DYNC2H1: variants seen among roughly 807,000 people sequenced by gnomAD.
The protein encoded by DYNC2H1 is cytoplasmic dynein 2 heavy chain 1.
Under a neutral mutation model 570.0 loss-of-function variants are expected in DYNC2H1, and 410 were observed. The ratio of observed to expected loss-of-function variants is 0.72; its 90% confidence interval spans 0.66 to 0.78. The LOEUF (loss-of-function observed/expected upper bound fraction) is 0.78, where lower values mean the gene tolerates loss of function less well. Among genes scored for constraint, DYNC2H1 ranks in the 30% least tolerant of loss-of-function variants. The pLI is 0.00. For synonymous variants in DYNC2H1, 1,688 were observed against 1,677.6 expected, an observed-to-expected ratio of 1.01 and a Z score of -0.15; for missense variants, 4,865 against 5,046.4, an observed-to-expected ratio of 0.96 and a Z score of 1.09.
chr11:103,450,497 C>T (rs1244487407), intron 85 of DYNC2H1, among the ~76,000 whole-genome samples: 1 of 152,040 alleles, frequency 6.6e-6, no homozygotes, highest in Non-Finnish European at 1.5e-5. Context: ...TGCTTTCTCA[C>T]CACAATGGAA....
rs898735894 is a variant in DYNC2H1, at chr11:103,256,823, C to T, written c.10461+583C>T. Among the ~76,000 whole-genome samples, 3 of 152,082 alleles carry T rather than the reference C, an allele frequency of 2.0e-5. No individual in the cohort carries two copies. Among genetic ancestry groups the T allele is most frequent in the Non-Finnish European group, 2.9e-5 (2 of 68,020 alleles). ...AGCCTGATAGCGCTGTGCTGTCTTG[C>T]GTTACCTTAACTGATTCTCTTTTGA... On this transcript the variant is annotated intron_variant, in intron 68 of 88. Transcript: ENST00000375735. This position sits in a 1 kb window ranked among gnomAD's most constrained non-coding sequence, Gnocchi z 4.0.
At chr11:103,121,127 A>G (rs1858683195) in intron 9 of DYNC2H1, 91 bp downstream of exon 9, 1 of 938,794 alleles carries the variant, frequency 1.1e-6, no homozygotes, top group East Asian at 2.9e-5. Context: ...GATTAAAGAT[A>G]CATTTTTCTG....
rs555590466 is a variant in DYNC2H1 at position 103,238,665 on chromosome 11, G to A, written c.9819+2126G>A. On this transcript the variant is annotated intron_variant, in intron 63 of 88. Transcript: ENST00000375735. Reference sequence around the variant, plus strand: ...AGCGGAGGAGGCTTTGCTAAGAAAGGCTTTTGTGTCTAAAACTATTCTTTT... The same window carrying A: ...AGCGGAGGAGGCTTTGCTAAGAAAGACTTTTGTGTCTAAAACTATTCTTTT... Among the ~76,000 whole-genome samples the A allele has an allele frequency of 5.9e-5, 9 of 152,176 alleles. No homozygotes were observed. The East Asian group carries it at 1.7e-3, about 29-fold the overall frequency.
chr11:103,375,040 G>T (rs1941336176), intron 83 of DYNC2H1, among the ~76,000 whole-genome samples: 1 of 152,166 alleles, frequency 6.6e-6, no homozygotes, highest in South Asian at 2.1e-4. Context: ...CAGGTCTAAG[G>T]CCCCCTTGCT....
rs115572501 is a variant in DYNC2H1 at position 103,161,759 on chromosome 11, G to A, written c.4491+715G>A. On this transcript the variant is annotated intron_variant, in intron 29 of 88. Transcript: ENST00000375735. ...AGATGATTTGGGTGAACAAGTAAGCGAACAACTATTGATTAACTGGTTCTG... is the reference window on the plus strand; with the variant it reads ...AGATGATTTGGGTGAACAAGTAAGCAAACAACTATTGATTAACTGGTTCTG... Among the ~76,000 whole-genome samples, 227 of 152,204 alleles carry A rather than the reference G, an allele frequency of 1.5e-3. 1 individual carries two copies. Among genetic ancestry groups the A allele is most frequent in the African/African-American group, 5.4e-3 (223 of 41,554 alleles).
chr11:103,412,311 T>C (rs1943120083), intron 84 of DYNC2H1, among the ~76,000 whole-genome samples: 1 of 152,126 alleles, frequency 6.6e-6, no homozygotes, highest in Non-Finnish European at 1.5e-5. Context: ...TTTATTTCTT[T>C]GATAACTTAT....
At position 103,395,317 on chromosome 11, in the gene DYNC2H1, G is replaced by A. The variant is rs1942353128; in HGVS notation, c.12157-4346G>A. Among the ~76,000 whole-genome samples the A allele has an allele frequency of 6.6e-6, 1 of 151,814 alleles. No individual in the cohort carries two copies. The highest frequency in any genetic ancestry group is 1.5e-5 in the Non-Finnish European group (1 of 67,974). On this transcript the variant is annotated intron_variant, in intron 83 of 88. Transcript: ENST00000375735. The surrounding 1 kb of genome is among the most constrained non-coding windows in gnomAD (Gnocchi z 4.3). ...CTTGCAAGAATGTCATGAGGACCCA[G>A]TGATTTCTATATACATATATATTTC...
intron 1 of DYNC2H1, among the ~76,000 whole-genome samples, chr11:103,111,102 AG>A (rs1390041173): frequency 6.6e-6 from 1 of 152,246 alleles, no homozygotes; most frequent in African/African-American, 2.4e-5. Flanking sequence ...CTGGGATTAC[AG>A]GTGTGTGCCA....
chr11:103,354,146 C>CAGCCTGGG (rs1024953191), intron 82 of DYNC2H1, among the ~76,000 whole-genome samples: 8 of 141,652 alleles, frequency 5.6e-5, no homozygotes, highest in African/African-American at 2.2e-4. Context: ...CACCGTACTC[C>CAGCCTGGG]AGCCTGGGTG....
intron 61 of DYNC2H1, 29 bp downstream of exon 61, chr11:103,234,189 T>C: frequency 3.2e-6 from 5 of 1,559,944 alleles, no homozygotes; most frequent in African/African-American, 1.4e-5. Flanking sequence ...CCATGAGGAG[T>C]CTACCTTTAA....
At chr11:103,284,306 C>G (rs662342) in intron 73 of DYNC2H1, among the ~76,000 whole-genome samples, 19,231 of 152,170 alleles carry the variant, frequency 0.13, 1,508 homozygotes, top group Admixed American at 0.24. Context: ...GTACTGAAGT[C>G]TCTTTTCGCC....
chr11:103,464,300 TAGAC>T (rs766723068), intron 87 of DYNC2H1, among the ~76,000 whole-genome samples: 10 of 152,184 alleles, frequency 6.6e-5, no homozygotes, highest in Admixed American at 3.3e-4. Context: ...AAAAAATTGA[TAGAC>T]AAACTATACA....
At position 103,118,357 on chromosome 11, in the gene DYNC2H1, T is replaced by TA. The variant is rs1191370778; in HGVS notation, c.999+505dup. ...TATAGTTCTTTATTAGAGACTTTTT[T>TA]AAAAAAAAAAACAAAACTTTTTTAA... On this transcript the variant is annotated intron_variant, in intron 6 of 88. Coordinates refer to ENST00000375735, the MANE Select transcript of DYNC2H1 (RefSeq NM_001377.3). Among the ~76,000 whole-genome samples, 128 of 144,666 alleles carry TA rather than the reference T, an allele frequency of 8.8e-4. No individual in the cohort carries two copies. The Middle Eastern group carries it at 0.014, about 16-fold the overall frequency. 94.9% of individuals were successfully genotyped at this position (144,666 alleles called of 152,430 possible). A position where few individuals can be genotyped will look rare whatever the true frequency, so the allele number is the denominator to read the frequency against.
intron 17 of DYNC2H1, among the ~76,000 whole-genome samples, chr11:103,137,729 T>C (rs1748480332): frequency 6.6e-6 from 1 of 152,162 alleles, no homozygotes; most frequent in South Asian, 2.1e-4. Context: ...TGGTTCCATA[T>C]GAACTTTAAA....
At position 103,145,544 on chromosome 11, in the gene DYNC2H1, A is replaced by G. The variant is rs1860198979; in HGVS notation, c.2702+2149A>G. Among the ~76,000 whole-genome samples the G allele has an allele frequency of 6.6e-6, 1 of 152,016 alleles. No homozygotes were observed. The highest frequency in any genetic ancestry group is 6.6e-5 in the Admixed American group (1 of 15,260). ...ACTATAGATAGCTTTCCTATTTATG[A>G]TCCTTGCCAAAAGAAAAAAAAATAA... On this transcript the variant is annotated intron_variant, in intron 18 of 88. Coordinates refer to ENST00000375735, the MANE Select transcript of DYNC2H1 (RefSeq NM_001377.3). This position sits in a 1 kb window ranked among gnomAD's most constrained non-coding sequence, Gnocchi z 4.2.
chr11:103,123,095 C>G, intron 11 of DYNC2H1, 95 bp downstream of exon 11: 1 of 1,014,224 alleles, frequency 9.9e-7, no homozygotes, highest in South Asian at 5.2e-5. Flanking sequence ...TTTCTCCAAA[C>G]TTGCTACTCC....
At chr11:103,382,296 G>T (rs760478158) in intron 83 of DYNC2H1, among the ~76,000 whole-genome samples, 1 of 152,136 alleles carries the variant, frequency 6.6e-6, no homozygotes, top group Non-Finnish European at 1.5e-5. Flanking sequence ...ATAGGTGATA[G>T]ACTTTTTTTC....
At position 103,245,382 on chromosome 11, in the gene DYNC2H1, A is replaced by C. The variant is rs375945170; in HGVS notation, c.10042+8A>C. On this transcript the variant is annotated splice_region_variant and intron_variant, in intron 65 of 88. Coordinates refer to ENST00000375735, the MANE Select transcript of DYNC2H1 (RefSeq NM_001377.3). The surrounding 1 kb of genome is among the most constrained non-coding windows in gnomAD (Gnocchi z 4.5). ...GAGATCTGGTTGCTCAAGGTAAATA[A>C]TTGACACTTTCCAGAGTGTAAATAT... is the stretch of plus-strand genomic sequence containing the variant. 3.6e-5 allele frequency: 56 copies of C among 1,575,988 alleles called. No individual in the cohort carries two copies. The East Asian group carries it at 8.7e-4, about 24-fold the overall frequency.
At chr11:103,295,350 C>G (rs751592578) in intron 75 of DYNC2H1, among the ~76,000 whole-genome samples, 25 of 152,158 alleles carry the variant, frequency 1.6e-4, no homozygotes, top group Non-Finnish European at 4.4e-5. Context: ...CTGTATTAGG[C>G]TGACTTATCC....
Sources: gnomAD v4.1 joint callset for allele counts (sites outside exome capture counted in the v4.1 genomes callset) on GRCh38, gnomAD v4.1.1 for gene constraint, Gnocchi (gnomAD v3.1) non-coding constraint, MANE v1.5 for transcripts, NCBI Gene and HGNC (gene_info 2026-07-23, HGNC 2026-07-21) for gene names.